The following CDH13 variants were observed in gnomAD, a reference collection of about 807,000 sequenced individuals.
The protein encoded by CDH13 is cadherin 13, also known as cadherin-13.
In CDH13, 24 loss-of-function variants were observed where a neutral mutation model predicts 63.8. The ratio of observed to expected loss-of-function variants is 0.38; its 90% CI spans 0.27 to 0.53. The LOEUF (loss-of-function observed/expected upper bound fraction) is 0.53, where lower values mean the gene tolerates loss of function less well. CDH13 is among the 20% of genes least tolerant of loss of function. The pLI, the probability that CDH13 is intolerant of heterozygous loss-of-function variation, is 0.85. For missense variants in CDH13, 1,049 were observed against 903.1 expected (o/e 1.16, Z -2.07); for synonymous variants, 503 against 355.3 (o/e 1.42, Z -4.67).
intron 5 of CDH13, among the ~76,000 whole-genome samples, chr16:83,249,514 A>T (rs1036068042): frequency 2.5e-4 from 38 of 152,226 alleles, no homozygotes; most frequent in African/African-American, 9.2e-4. Context: ...TCACTGATTT[A>T]TCTCATTTAA....
At chr16:83,307,808 C>T (rs1443554496) in intron 5 of CDH13, among the ~76,000 whole-genome samples, 1 of 152,154 alleles carries the variant, frequency 6.6e-6, no homozygotes, top group Non-Finnish European at 1.5e-5. Context: ...CACTATTATC[C>T]CATGATAACA....
chr16:83,766,958 A>G (rs1268206072), intron 11 of CDH13, among the ~76,000 whole-genome samples: 2 of 152,128 alleles, frequency 1.3e-5, no homozygotes, highest in Non-Finnish European at 2.9e-5. Flanking sequence ...GTCTTCTGCC[A>G]TGATTGTAAG....
At chr16:82,786,435 G>GTTT (rs36019455) in intron 1 of CDH13, among the ~76,000 whole-genome samples, 1 of 118,014 alleles carries the variant, frequency 8.5e-6, no homozygotes, top group African/African-American at 3.4e-5. Flanking sequence ...TCAGAAAACA[G>GTTT]TTTTTTTTTT....
intron 13 of CDH13, among the ~76,000 whole-genome samples, chr16:83,791,162 G>GA (rs1555529665): frequency 4.0e-5 from 6 of 151,114 alleles, no homozygotes; most frequent in African/African-American, 9.7e-5. Context: ...CTGAAAAAAA[G>GA]AAAAAAAAGC....
At chr16:83,196,036 A>T (rs1429769710) in intron 4 of CDH13, among the ~76,000 whole-genome samples, 1 of 152,286 alleles carries the variant, frequency 6.6e-6, no homozygotes, top group African/African-American at 2.4e-5. Flanking sequence ...CAGGCGGATC[A>T]CCTGAGGTCA....
In CDH13 at chr16:83,373,577, C is replaced by T. The variant is rs534984011; in HGVS notation, c.781+28571C>T. On this transcript the variant is annotated intron_variant, in intron 6 of 13. Transcript: ENST00000567109. ...CAGGGAGTAGAAAGGGCTGGAAAGG[C>T]CACCATGATACAGGTGTTGGAGAGA... 1.1e-4 allele frequency among the ~76,000 whole-genome samples: 16 copies of T among 152,164 alleles called. No homozygotes were observed. In the South Asian group the frequency reaches 2.9e-3, roughly 28 times the overall value.
chr16:82,840,977 T>G (rs1280290365), intron 1 of CDH13, among the ~76,000 whole-genome samples: 1 of 152,178 alleles, frequency 6.6e-6, no homozygotes, highest in African/African-American at 2.4e-5. Context: ...TATGAAGACA[T>G]AAGTACAAAC....
intron 10 of CDH13, among the ~76,000 whole-genome samples, chr16:83,739,700 C>G (rs1394656371): frequency 2.6e-5 from 4 of 152,126 alleles, no homozygotes. Context: ...AGAGACCTGC[C>G]TATGGGGGAG....
At chr16:83,259,733 G>A (rs893871764) in intron 5 of CDH13, among the ~76,000 whole-genome samples, 1 of 152,034 alleles carries the variant, frequency 6.6e-6, no homozygotes, top group African/African-American at 2.4e-5. Flanking sequence ...TTTTGACTGA[G>A]GAAACTCGCT....
At chr16:82,639,447 T>A in intron 1 of CDH13, 2 of 1,534,670 alleles carry the variant, frequency 1.3e-6, no homozygotes, top group Non-Finnish European at 1.7e-6. Context: ...GTGACCCACC[T>A]GCAGCTTCAA....
intron 1 of CDH13, among the ~76,000 whole-genome samples, chr16:82,775,958 C>G (rs955261468): frequency 6.6e-6 from 1 of 152,118 alleles, no homozygotes; most frequent in Admixed American, 6.5e-5. Context: ...ATCTGGAATC[C>G]CAGCACTTTG....
chr16:83,691,869 G>C (rs184754239), intron 10 of CDH13, among the ~76,000 whole-genome samples: 1 of 152,240 alleles, frequency 6.6e-6, no homozygotes, highest in East Asian at 1.9e-4. Context: ...CGATATAGTA[G>C]CTGGCATTTA....
intron 3 of CDH13, among the ~76,000 whole-genome samples, chr16:83,103,670 G>A (rs930615697): frequency 3.9e-5 from 6 of 152,278 alleles, no homozygotes; most frequent in Admixed American, 2.6e-4. Context: ...CCAGAATTAC[G>A]TATGTCCTTG....
At chr16:83,036,626 C>G (rs951511597) in intron 3 of CDH13, among the ~76,000 whole-genome samples, 3 of 152,146 alleles carry the variant, frequency 2.0e-5, no homozygotes, top group African/African-American at 7.2e-5. Context: ...CTTCCCGTGG[C>G]TGAACCTGAT....
intron 4 of CDH13, among the ~76,000 whole-genome samples, chr16:83,168,700 T>C (rs2037793629): frequency 6.6e-6 from 1 of 152,112 alleles, no homozygotes; most frequent in Admixed American, 6.6e-5. Context: ...TCCATATGAG[T>C]ATAATTAAAT....
chr16:83,043,776 T>C (rs1179973456), intron 3 of CDH13, among the ~76,000 whole-genome samples: 1 of 151,108 alleles, frequency 6.6e-6, no homozygotes, highest in Non-Finnish European at 1.5e-5. Flanking sequence ...GGGGAACTGC[T>C]AGGTCATGCC....
intron 3 of CDH13, among the ~76,000 whole-genome samples, chr16:83,043,215 A>ATT (rs1311312510): frequency 6.6e-6 from 1 of 152,208 alleles, no homozygotes; most frequent in Non-Finnish European, 1.5e-5. Context: ...TAGATAACAG[A>ATT]TTACTTTAAG....
At chr16:83,055,689 A>G (rs1420047712) in intron 3 of CDH13, among the ~76,000 whole-genome samples, 1 of 152,052 alleles carries the variant, frequency 6.6e-6, no homozygotes, top group Non-Finnish European at 1.5e-5. Flanking sequence ...AAATACACTA[A>G]TCTTATGCAA....
intron 5 of CDH13, 92 bp downstream of exon 5, chr16:83,217,589 C>T: frequency 3.0e-6 from 4 of 1,354,652 alleles, no homozygotes; most frequent in African/African-American, 1.4e-5. Flanking sequence ...TTCTGTGCCT[C>T]ATCAAACCCG....
Sources: allele counts gnomAD v4.1 joint callset (sites outside exome capture counted in the v4.1 genomes callset), GRCh38; gene constraint gnomAD v4.1.1; transcripts MANE v1.5; gene names NCBI Gene and HGNC (gene_info 2026-07-23, HGNC 2026-07-21).